Variants in SEL1L3 observed in about 807,000 individuals in gnomAD.
SEL1L3 encodes the protein protein sel-1 homolog 3.
Under a neutral mutation model 142.8 loss-of-function variants are expected in SEL1L3, and 76 were observed. The observed-to-expected ratio is 0.53, with a 90% CI of 0.44 to 0.64. The LOEUF (loss-of-function observed/expected upper bound fraction) is 0.64, where lower values mean the gene tolerates loss of function less well. Ranked by LOEUF, SEL1L3 falls within the 30% of genes least tolerant of loss-of-function variation. The probability of loss-of-function intolerance (pLI) is 0.00; values close to 1 mark genes in which losing one functional copy is unlikely to be tolerated. For missense variants in SEL1L3, 1,262 were observed against 1,381.7 expected (o/e 0.91, Z 1.37); for synonymous variants, 504 against 519.6 (o/e 0.97, Z 0.41).
intron 17 of SEL1L3, among the ~76,000 whole-genome samples, chr4:25,775,185 G>A (rs1719527541): frequency 1.3e-5 from 2 of 152,206 alleles, no homozygotes; most frequent in African/African-American, 2.4e-5. Context: ...TGGGGAAACA[G>A]TAACTTTCTG....
chr4:25,740,498 C>T, the SEL1L3 span, among the ~76,000 whole-genome samples: 9 of 151,968 alleles, frequency 5.9e-5, no homozygotes, highest in African/African-American at 1.2e-4. Context: ...TGACAACCAT[C>T]GAGCACATCC....
At chr4:25,785,239 A>C (rs751533139) in intron 13 of SEL1L3, among the ~76,000 whole-genome samples, 1 of 152,226 alleles carries the variant, frequency 6.6e-6, no homozygotes, top group Non-Finnish European at 1.5e-5. Context: ...TAGTAAATGG[A>C]AACAGCGCTA....
intron 17 of SEL1L3, among the ~76,000 whole-genome samples, chr4:25,769,439 CA>C (rs1254750201): frequency 3.3e-5 from 5 of 152,332 alleles, no homozygotes; most frequent in Admixed American, 3.3e-4. Context: ...AGCTAAGCAG[CA>C]TCCCTTGCAG....
At chr4:25,824,255 T>C (rs1714952695) in intron 6 of SEL1L3, among the ~76,000 whole-genome samples, 1 of 152,082 alleles carries the variant, frequency 6.6e-6, no homozygotes, top group Non-Finnish European at 1.5e-5. Flanking sequence ...AAAGCAACAC[T>C]TCTGCAGTAG....
chr4:25,729,441 C>T, the SEL1L3 span, among the ~76,000 whole-genome samples: 23 of 152,232 alleles, frequency 1.5e-4, no homozygotes, highest in African/African-American at 3.9e-4. Context: ...AGGCTGGGCA[C>T]GGTGGCTTGC....
At chr4:25,737,856 T>A in the SEL1L3 span, among the ~76,000 whole-genome samples, 1 of 151,816 alleles carries the variant, frequency 6.6e-6, no homozygotes, top group Non-Finnish European at 1.5e-5. Context: ...GAAATAATGA[T>A]CAAAATAAGT....
chr4:25,826,289 C>T (rs191558749), intron 6 of SEL1L3, among the ~76,000 whole-genome samples: 2 of 152,166 alleles, frequency 1.3e-5, no homozygotes, highest in African/African-American at 4.8e-5. Flanking sequence ...TTCATTTATG[C>T]GTTGCACTGC....
At chr4:25,812,746 C>T (rs1009030069) in intron 9 of SEL1L3, among the ~76,000 whole-genome samples, 15 of 149,510 alleles carry the variant, frequency 1.0e-4, no homozygotes, top group African/African-American at 3.5e-4. Flanking sequence ...GGTGCAGTGG[C>T]TCATGCCTAT....
intron 1 of SEL1L3, among the ~76,000 whole-genome samples, chr4:25,854,317 G>A (rs184632855): frequency 8.7e-4 from 133 of 152,012 alleles, no homozygotes; most frequent in African/African-American, 3.2e-3. Flanking sequence ...TCCCTCTATC[G>A]CCCAGGCTCA....
intron 2 of SEL1L3, among the ~76,000 whole-genome samples, chr4:25,836,555 G>A (rs1316309244): frequency 6.6e-6 from 1 of 152,140 alleles, no homozygotes; most frequent in Non-Finnish European, 1.5e-5. Context: ...GGGAGGCTGA[G>A]GCGAGAGAAT....
intron 4 of SEL1L3, 42 bp downstream of exon 4, chr4:25,833,406 C>T (rs1553875872): frequency 3.8e-6 from 6 of 1,579,084 alleles, no homozygotes; most frequent in Admixed American, 1.8e-5. Context: ...CAGAGCATTA[C>T]AAAATTACAA....
chr4:25,762,644 T>C (rs1718446626), intron 20 of SEL1L3, among the ~76,000 whole-genome samples: 1 of 152,152 alleles, frequency 6.6e-6, no homozygotes, highest in African/African-American at 2.4e-5. Context: ...GACTATGTAA[T>C]AAAATGCACA....
intron 23 of SEL1L3, chr4:25,756,943 T>G (rs962076756): frequency 4.8e-5 from 61 of 1,271,520 alleles, no homozygotes; most frequent in Non-Finnish European, 5.9e-5. Flanking sequence ...GAAATTGTAT[T>G]AGGTCAGTTT....
intron 6 of SEL1L3, among the ~76,000 whole-genome samples, chr4:25,827,951 A>T (rs1715197687): frequency 1.3e-5 from 2 of 152,194 alleles, no homozygotes; most frequent in Admixed American, 1.3e-4. Context: ...GCTGACTCAG[A>T]TCATCTGTTT....
At chr4:25,803,574 T>C (rs1258678016) in intron 10 of SEL1L3, among the ~76,000 whole-genome samples, 1 of 152,204 alleles carries the variant, frequency 6.6e-6, no homozygotes, top group Non-Finnish European at 1.5e-5. Flanking sequence ...CATTTCTGGA[T>C]GTGTCTGTGA....
chr4:25,860,224 A>G (rs1157454400), intron 1 of SEL1L3, among the ~76,000 whole-genome samples: 1 of 152,202 alleles, frequency 6.6e-6, no homozygotes, highest in African/African-American at 2.4e-5. Context: ...AATGTAAGCT[A>G]TCGTTATTAC....
chr4:25,782,677 T>C (rs1171744511), intron 14 of SEL1L3, among the ~76,000 whole-genome samples: 1 of 152,222 alleles, frequency 6.6e-6, no homozygotes, highest in Non-Finnish European at 1.5e-5. Context: ...CAAATCATTG[T>C]TCTGCTCCTT....
At chr4:25,756,643 G>A in intron 23 of SEL1L3, 1 of 1,007,050 alleles carries the variant, frequency 9.9e-7, no homozygotes, top group Non-Finnish European at 1.2e-6. Flanking sequence ...AGCCCAAACA[G>A]AAGCAAGCAG....
At chr4:25,729,606 C>A in the SEL1L3 span, among the ~76,000 whole-genome samples, 1 of 152,076 alleles carries the variant, frequency 6.6e-6, no homozygotes, top group African/African-American at 2.4e-5. Context: ...TCCAGCTACC[C>A]GGGAGGCTGA....
Sources: gnomAD v4.1 joint callset for allele counts (sites outside exome capture counted in the v4.1 genomes callset) on GRCh38, gnomAD v4.1.1 for gene constraint, MANE v1.5 for transcripts, NCBI Gene and HGNC (gene_info 2026-07-23, HGNC 2026-07-21) for gene names.